The following SHISA9 variants were observed in gnomAD, a reference collection of about 807,000 sequenced individuals.
The protein encoded by SHISA9 is protein shisa-9.
A neutral mutation model predicts 38.0 loss-of-function variants in SHISA9; 13 were observed. The observed-to-expected ratio is 0.34, with a 90% CI of 0.22 to 0.54. SHISA9 has a LOEUF of 0.54. Among genes scored for constraint, SHISA9 ranks in the 20% least tolerant of loss-of-function variants. SHISA9 has a pLI of 0.91. For synonymous variants in SHISA9, 275 were observed against 242.0 expected, an observed-to-expected ratio of 1.14 and a Z score of -1.27; for missense variants, 538 against 575.8, an observed-to-expected ratio of 0.93 and a Z score of 0.67.
chr16:13,544,734 G>A, the SHISA9 span, among the ~76,000 whole-genome samples: 38 of 152,186 alleles, frequency 2.5e-4, 1 homozygote, highest in South Asian at 4.8e-3. Flanking sequence ...CTTGAGGTCA[G>A]GAGCTCGAGA....
intron 2 of SHISA9, among the ~76,000 whole-genome samples, chr16:13,166,124 T>C (rs1273350231): frequency 6.6e-6 from 1 of 152,216 alleles, no homozygotes; most frequent in East Asian, 1.9e-4. Flanking sequence ...GTCTGTTTTA[T>C]TAACTTCCAT....
chr16:13,448,749 C>G, the SHISA9 span, among the ~76,000 whole-genome samples: 3 of 152,192 alleles, frequency 2.0e-5, no homozygotes, highest in East Asian at 5.8e-4. Context: ...CCAAACAGAA[C>G]GTTTAGTTCA....
At chr16:12,983,828 G>C (rs1409436021) in intron 2 of SHISA9, among the ~76,000 whole-genome samples, 1 of 152,104 alleles carries the variant, frequency 6.6e-6, no homozygotes. Flanking sequence ...ACCCTTTTGA[G>C]CTCTGTCTTC....
chr16:13,189,220 A>AC (rs2050859286), intron 2 of SHISA9, among the ~76,000 whole-genome samples: 1 of 152,208 alleles, frequency 6.6e-6, no homozygotes, highest in African/African-American at 2.4e-5. Context: ...ACAGGGAGCT[A>AC]CAGGGGTATT....
chr16:13,168,605 G>A (rs141117648), intron 2 of SHISA9, among the ~76,000 whole-genome samples: 252 of 152,344 alleles, frequency 1.7e-3, no homozygotes, highest in Admixed American at 2.6e-3. Flanking sequence ...TGTTCAGGAG[G>A]TTGTGAACTA....
chr16:13,306,368 C>T, the SHISA9 span, among the ~76,000 whole-genome samples: 1 of 152,034 alleles, frequency 6.6e-6, no homozygotes, highest in African/African-American at 2.4e-5. Flanking sequence ...GAGCAGTAAG[C>T]CTTTGTAACA....
chr16:13,136,349 T>G (rs535562590), intron 2 of SHISA9, among the ~76,000 whole-genome samples: 28 of 151,968 alleles, frequency 1.8e-4, no homozygotes, highest in Non-Finnish European at 3.7e-4. Flanking sequence ...AATGTGCACT[T>G]TCTCTGCTTT....
intron 2 of SHISA9, among the ~76,000 whole-genome samples, chr16:13,162,221 A>C (rs1222660096): frequency 6.6e-6 from 1 of 152,148 alleles, no homozygotes; most frequent in Non-Finnish European, 1.5e-5. Context: ...GTGTATGCAT[A>C]TTATTCTCAG....
chr16:12,940,758 T>G (rs2071599812), intron 2 of SHISA9, among the ~76,000 whole-genome samples: 1 of 152,224 alleles, frequency 6.6e-6, no homozygotes, highest in Non-Finnish European at 1.5e-5. Context: ...CCATGGGTTC[T>G]GTCTCTTTCT....
intron 2 of SHISA9, among the ~76,000 whole-genome samples, chr16:12,969,753 C>G (rs376725630): frequency 5.3e-5 from 8 of 152,058 alleles, no homozygotes; most frequent in African/African-American, 1.9e-4. Flanking sequence ...TCCCCACGCC[C>G]TCCCCACCAA....
chr16:13,353,678 C>A, the SHISA9 span, among the ~76,000 whole-genome samples: 2 of 152,138 alleles, frequency 1.3e-5, no homozygotes, highest in Admixed American at 6.5e-5. Context: ...GGGCTGTACC[C>A]TGTAGCATTC....
the SHISA9 span, among the ~76,000 whole-genome samples, chr16:13,326,645 C>T: frequency 2.0e-5 from 3 of 152,062 alleles, no homozygotes; most frequent in African/African-American, 2.4e-5. Flanking sequence ...TGCTTGAACG[C>T]GGGAGTTGGA....
the SHISA9 span, among the ~76,000 whole-genome samples, chr16:13,519,568 T>A: frequency 6.6e-6 from 1 of 152,208 alleles, no homozygotes; most frequent in South Asian, 2.1e-4. Flanking sequence ...TTATCAGTTA[T>A]AACATAGGTA....
chr16:13,161,369 C>A (rs894943711), intron 2 of SHISA9, among the ~76,000 whole-genome samples: 1 of 152,096 alleles, frequency 6.6e-6, no homozygotes, highest in African/African-American at 2.4e-5. Context: ...AGACCTGGAC[C>A]CTAACACGTC....
At chr16:13,400,133 G>A in the SHISA9 span, among the ~76,000 whole-genome samples, 1 of 152,120 alleles carries the variant, frequency 6.6e-6, no homozygotes. Flanking sequence ...AGAAATACTG[G>A]AGATTAAATG....
the SHISA9 span, among the ~76,000 whole-genome samples, chr16:13,370,635 G>A: frequency 5.9e-5 from 9 of 152,236 alleles, no homozygotes; most frequent in East Asian, 1.4e-3. Flanking sequence ...TCATAAAAAT[G>A]TCTTGTTCAG....
chr16:13,203,627 CCA>C, intron 3 of SHISA9, 78 bp downstream of exon 3: 2 of 1,337,740 alleles, frequency 1.5e-6, no homozygotes, highest in Non-Finnish European at 1.9e-6. Flanking sequence ...CTCTTTATCT[CCA>C]GTTTTCTTTC....
At chr16:13,431,320 G>C in the SHISA9 span, among the ~76,000 whole-genome samples, 1 of 152,172 alleles carries the variant, frequency 6.6e-6, no homozygotes, top group Admixed American at 6.5e-5. Flanking sequence ...CAAATACTCA[G>C]ATGGGTCGAA....
At chr16:13,408,161 T>A in the SHISA9 span, among the ~76,000 whole-genome samples, 1 of 152,212 alleles carries the variant, frequency 6.6e-6, no homozygotes, top group African/African-American at 2.4e-5. Context: ...AAGTCTTATA[T>A]GAGGAAGAAA....
Sources: gnomAD v4.1 joint callset for allele counts (sites outside exome capture counted in the v4.1 genomes callset) on GRCh38, gnomAD v4.1.1 for gene constraint, MANE v1.5 for transcripts, NCBI Gene and HGNC (gene_info 2026-07-23, HGNC 2026-07-21) for gene names.